ASTN2: variants seen among roughly 807,000 people sequenced by gnomAD.
The protein encoded by ASTN2 is astrotactin 2, also known as astrotactin-2.
A neutral mutation model predicts 139.8 loss-of-function variants in ASTN2; 54 were observed. The observed-to-expected ratio is 0.39, with a 90% CI of 0.31 to 0.48. ASTN2 has a LOEUF of 0.48. Among genes scored for constraint, ASTN2 ranks in the 20% least tolerant of loss-of-function variants. The pLI, the probability that ASTN2 is intolerant of heterozygous loss-of-function variation, is 0.95. For missense variants in ASTN2, 1,565 were observed against 1,725.1 expected, an observed-to-expected ratio of 0.91 and a Z score of 1.64; for synonymous variants, 756 against 719.5, an observed-to-expected ratio of 1.05 and a Z score of -0.81.
intron 10 of ASTN2, among the ~76,000 whole-genome samples, chr9:116,922,047 C>T (rs911296696): frequency 6.6e-6 from 1 of 152,198 alleles, no homozygotes; most frequent in Non-Finnish European, 1.5e-5. Context: ...ATTCACATCT[C>T]CTTCCTCTCT....
intron 7 of ASTN2, among the ~76,000 whole-genome samples, chr9:117,000,211 T>C (rs1013937103): frequency 6.6e-6 from 1 of 152,210 alleles, no homozygotes; most frequent in Non-Finnish European, 1.5e-5. Context: ...TCTAAAAAGT[T>C]GAAATTATTC....
intron 3 of ASTN2, 138 bp from the exon 4 acceptor site, chr9:117,141,616 C>A: frequency 1.6e-6 from 1 of 608,236 alleles, no homozygotes; most frequent in Non-Finnish European, 2.4e-6. Flanking sequence ...CTTGAAACTC[C>A]CTCCCTGACC....
At chr9:117,234,700 G>GA (rs1429986449) in intron 2 of ASTN2, among the ~76,000 whole-genome samples, 1 of 152,120 alleles carries the variant, frequency 6.6e-6, no homozygotes, top group Non-Finnish European at 1.5e-5. Flanking sequence ...AGCAGAGCTA[G>GA]AAAAAAGGAC....
At chr9:116,934,679 C>A (rs1227244891) in intron 10 of ASTN2, among the ~76,000 whole-genome samples, 2 of 152,030 alleles carry the variant, frequency 1.3e-5, no homozygotes, top group African/African-American at 4.8e-5. Flanking sequence ...AGGCTTAATA[C>A]CTGGGTAATA....
At chr9:116,484,512 T>A (rs1849276149) in intron 20 of ASTN2, among the ~76,000 whole-genome samples, 1 of 151,902 alleles carries the variant, frequency 6.6e-6, no homozygotes, top group South Asian at 2.1e-4. Flanking sequence ...AAGCAAAAAA[T>A]GAGAATCCCC....
At chr9:117,152,181 C>T (rs1225877947) in intron 3 of ASTN2, among the ~76,000 whole-genome samples, 1 of 152,182 alleles carries the variant, frequency 6.6e-6, no homozygotes, top group African/African-American at 2.4e-5. Flanking sequence ...ACTACCCAAA[C>T]TGGATTAAGC....
chr9:116,780,212 G>A (rs1301209750), intron 13 of ASTN2, among the ~76,000 whole-genome samples: 1 of 152,200 alleles, frequency 6.6e-6, no homozygotes, highest in Non-Finnish European at 1.5e-5. Context: ...TGTGTGGCCA[G>A]GGTGGAGCAG....
At chr9:117,112,400 C>T (rs1014315565) in intron 4 of ASTN2, among the ~76,000 whole-genome samples, 1 of 151,964 alleles carries the variant, frequency 6.6e-6, no homozygotes, top group Non-Finnish European at 1.5e-5. Flanking sequence ...TATTATAAAG[C>T]TGTAGTAAAC....
At chr9:117,379,264 C>T (rs145829077) in intron 1 of ASTN2, among the ~76,000 whole-genome samples, 221 of 152,214 alleles carry the variant, frequency 1.5e-3, no homozygotes, top group African/African-American at 5.1e-3. Context: ...AGTCTAGAGC[C>T]GGGCGTAGGC....
chr9:117,279,050 T>C, intron 2 of ASTN2, among the ~76,000 whole-genome samples: 1 of 152,364 alleles, frequency 6.6e-6, no homozygotes, highest in African/African-American at 2.4e-5. Flanking sequence ...AAAACGCTTT[T>C]GTTTTTTGAG....
At chr9:117,373,053 A>G (rs191661697) in intron 1 of ASTN2, among the ~76,000 whole-genome samples, 1 of 152,254 alleles carries the variant, frequency 6.6e-6, no homozygotes, top group African/African-American at 2.4e-5. Context: ...GAAAGTGAGC[A>G]TGGGGCAAGG....
intron 2 of ASTN2, among the ~76,000 whole-genome samples, chr9:117,215,059 C>T (rs576659983): frequency 2.0e-5 from 3 of 152,248 alleles, no homozygotes; most frequent in Admixed American, 2.0e-4. Context: ...GGATAACGGT[C>T]ATGTCAGAGC....
At chr9:117,114,585 GTTGTT>G (rs144098808) in intron 4 of ASTN2, among the ~76,000 whole-genome samples, 26,051 of 151,818 alleles carry the variant, frequency 0.17, 2,524 homozygotes, top group Non-Finnish European at 0.22. Flanking sequence ...AGGCTTTTTT[GTTGTT>G]TTGTTTTGTT....
At chr9:116,717,951 A>G (rs1259929422) in intron 16 of ASTN2, among the ~76,000 whole-genome samples, 1 of 152,272 alleles carries the variant, frequency 6.6e-6, no homozygotes, top group Non-Finnish European at 1.5e-5. Context: ...AATAAACATT[A>G]TTGAATGCTA....
intron 2 of ASTN2, among the ~76,000 whole-genome samples, chr9:117,274,935 A>T (rs1250909479): frequency 6.6e-6 from 1 of 152,214 alleles, no homozygotes; most frequent in Admixed American, 6.5e-5. Flanking sequence ...CTTAATCAAT[A>T]TGCTAATGAA....
intron 4 of ASTN2, among the ~76,000 whole-genome samples, chr9:117,111,165 C>T (rs1205329607): frequency 1.3e-5 from 2 of 152,174 alleles, no homozygotes; most frequent in Admixed American, 1.3e-4. Flanking sequence ...ATTCACAATT[C>T]CCAAAGTTAA....
chr9:117,254,886 T>C (rs148053186), intron 2 of ASTN2, among the ~76,000 whole-genome samples: 143 of 152,352 alleles, frequency 9.4e-4, no homozygotes, highest in Middle Eastern at 3.4e-3. Context: ...CTCTTCTATT[T>C]TTCTTAAAAA....
chr9:116,780,486 T>C (rs1440204056), intron 13 of ASTN2, among the ~76,000 whole-genome samples: 1 of 152,146 alleles, frequency 6.6e-6, no homozygotes, highest in Non-Finnish European at 1.5e-5. Context: ...GGGAACAGTG[T>C]GGGAGCAATC....
At chr9:116,430,498 A>G (rs1847462725) in intron 22 of ASTN2, among the ~76,000 whole-genome samples, 1 of 152,236 alleles carries the variant, frequency 6.6e-6, no homozygotes, top group Non-Finnish European at 1.5e-5. Flanking sequence ...ATGAGATAAT[A>G]AGGAAAATTT....
Sources: allele counts gnomAD v4.1 joint callset (sites outside exome capture counted in the v4.1 genomes callset), GRCh38; gene constraint gnomAD v4.1.1; transcripts MANE v1.5; gene names NCBI Gene and HGNC (gene_info 2026-07-23, HGNC 2026-07-21).